The following LOXL3 variants were observed in gnomAD, a reference collection of about 807,000 sequenced individuals.
LOXL3 encodes lysyl oxidase homolog 3.
Under a neutral mutation model 91.8 loss-of-function variants are expected in LOXL3, and 60 were observed. That is an observed-to-expected ratio of 0.65 (90% confidence interval 0.53 to 0.81). The LOEUF is 0.81. LOXL3 is among the 30% of genes least tolerant of loss of function. The pLI is 0.00. For missense variants in LOXL3, 874 were observed against 1,000.4 expected, an observed-to-expected ratio of 0.87 and a Z score of 1.70; for synonymous variants, 355 against 387.6, an observed-to-expected ratio of 0.92 and a Z score of 0.99.
At chr2:74,537,648 G>T (rs1439059776) in intron 4 of LOXL3, among the ~76,000 whole-genome samples, 1 of 152,182 alleles carries the variant, frequency 6.6e-6, no homozygotes, top group Non-Finnish European at 1.5e-5. Context: ...CCTGTGCTGT[G>T]TAAGTCTTTA....
rs1320657722 is a variant in LOXL3 at position 74,533,607 on chromosome 2, T to C, written c.2261A>G (p.Ter754=). 1.9e-6 allele frequency: 3 copies of C among 1,613,980 alleles called. No homozygotes were observed. Among genetic ancestry groups the C allele is most frequent in the Admixed American group, 3.3e-5 (2 of 60,012 alleles). Residue 754 remains the stop codon, a stop_retained_variant, in exon 14 of 14, where the codon TAA becomes TGA. Coordinates refer to ENST00000264094, the MANE Select transcript of LOXL3 (RefSeq NM_032603.5). ...GTGGTTTGCAGAGGGCAGTGGCACT[T>C]AGATAATCTGGTTGCTGGTCTGGCC... ...YPGQTSNQII[*]
chr2:74,538,405 C>T (rs1676141318), intron 4 of LOXL3, among the ~76,000 whole-genome samples: 1 of 152,140 alleles, frequency 6.6e-6, no homozygotes. Context: ...CTGGGTGAGA[C>T]TAGAACTTGT....
At chr2:74,555,260 G>T (rs150262871), upstream of LOXL3, 3 of 1,613,878 alleles carry the variant, frequency 1.9e-6, no homozygotes, top group Non-Finnish European at 1.7e-6. The surrounding 1 kb of genome is among the most constrained non-coding windows in gnomAD (Gnocchi z 6.1). Flanking sequence ...GGCCGAGGGA[G>T]CTCGCGCCGC....
rs375000246 is a variant in LOXL3, at chr2:74,549,277, G to A, written c.692+92C>T. The A allele has an allele frequency of 7.4e-3, 10,124 of 1,367,120 alleles. 51 individuals carry two copies. Among genetic ancestry groups the A allele is most frequent in the South Asian group, 0.012 (711 of 61,128 alleles). The allele number at this position is 1,367,120 out of a possible 1,614,324, so 84.7% of individuals were successfully genotyped here. ...CGCGTCCCGACCCCCGGGTCCTCCC[G>A]TGCCCCGGACCTGCTCAGATGTCTC... On this transcript the variant is annotated intron_variant, in intron 4 of 13. Coordinates refer to ENST00000264094, the MANE Select transcript of LOXL3 (RefSeq NM_032603.5). This position sits in a 1 kb window ranked among gnomAD's most constrained non-coding sequence, Gnocchi z 5.3.
intron 4 of LOXL3, among the ~76,000 whole-genome samples, chr2:74,547,216 A>G (rs1029485211): frequency 6.6e-6 from 1 of 151,562 alleles, no homozygotes; most frequent in Non-Finnish European, 1.5e-5. Context: ...ACAGGGTCTC[A>G]TTATGTTGCC....
At chr2:74,554,858 G>C, upstream of LOXL3, 1 of 1,610,018 alleles carries the variant, frequency 6.2e-7, no homozygotes, top group Non-Finnish European at 8.5e-7. The surrounding 1 kb of genome is among the most constrained non-coding windows in gnomAD (Gnocchi z 4.9). Context: ...GGCTAGTAGT[G>C]GGTGAGAGAG....
Position 74,549,751 on chromosome 2 carries a change from C to G in LOXL3, c.478-168G>C, listed in dbSNP as rs1452365226. The G allele has an allele frequency of 4.9e-6, 7 of 1,435,570 alleles. No individual in the cohort carries two copies. In the East Asian group the frequency reaches 1.8e-4, roughly 36 times the overall value. The allele number at this position is 1,435,570 out of a possible 1,614,324, so 88.9% of individuals were successfully genotyped here. ...ATGGCCGCAGTCCGCGGTGTGGACT[C>G]TCTTGCAGCCAGCAGCGCGTGGGAT... On this transcript the variant is annotated intron_variant, in intron 3 of 13. Transcript: ENST00000264094. This position sits in a 1 kb window ranked among gnomAD's most constrained non-coding sequence, Gnocchi z 5.3.
In LOXL3 at chr2:74,533,290, C is replaced by T. The variant is rs1161862603; in HGVS notation, c.*316G>A. ...GAGATACTGGAGCTGACCATCCTGA[C>T]CTCCTATTAAAGAAAATGAGCTGCT... On this transcript the variant is annotated 3_prime_UTR_variant, in exon 14 of 14. Coordinates refer to ENST00000264094, the MANE Select transcript of LOXL3 (RefSeq NM_032603.5). The T allele has an allele frequency of 1.9e-6, 1 of 533,808 alleles. No homozygotes were observed. The allele number at this position is 533,808 out of a possible 1,614,324, so 33.1% of individuals were successfully genotyped here.
intron 4 of LOXL3, among the ~76,000 whole-genome samples, chr2:74,540,377 C>T (rs1030818858): frequency 1.3e-5 from 2 of 152,176 alleles, no homozygotes; most frequent in African/African-American, 4.8e-5. Flanking sequence ...CCAGGCTAGG[C>T]GGCAGAACTA....
chr2:74,534,906 T>A, intron 9 of LOXL3, 132 bp from the exon 10 acceptor site: 6 of 1,015,482 alleles, frequency 5.9e-6, no homozygotes, highest in Non-Finnish European at 8.5e-6. Flanking sequence ...TGAGATGGAG[T>A]CTCACTCTGT....
chr2:74,536,426 C>A lies in LOXL3; in HGVS notation c.958G>T (p.Val320Leu), dbSNP rs1419686797. 3.1e-6 allele frequency: 5 copies of A among 1,614,140 alleles called. No individual in the cohort carries two copies. The highest frequency in any genetic ancestry group is 4.2e-6 in the Non-Finnish European group (5 of 1,180,034). ...KGGAHPGEGR[V>L]EVLKASTWGT... Reference sequence around the variant, plus strand: ...CATGTGCTGGCCTTCAGGACTTCTACCCGGCCCTCTCCAGGGTGGGCGCCG... The same window carrying A: ...CATGTGCTGGCCTTCAGGACTTCTAACCGGCCCTCTCCAGGGTGGGCGCCG... Residue 320 changes from valine (V) to leucine (L), a missense_variant, in exon 6 of 14, where the codon GTA becomes TTA. Physicochemically the swap from Val to Leu is conservative, Grantham distance 32. Transcript: ENST00000264094. The surrounding 1 kb of genome is among the most constrained non-coding windows in gnomAD (Gnocchi z 4.5).
At position 74,532,521 on chromosome 2, in the gene LOXL3, C is replaced by T; in HGVS notation, c.*1085G>A. ...TTGTAGTACCTAGCCCATGTCCTGTCCATATATTTATCAATGTGTTGATGA... is the reference window on the plus strand; with the variant it reads ...TTGTAGTACCTAGCCCATGTCCTGTTCATATATTTATCAATGTGTTGATGA... On this transcript the variant is annotated 3_prime_UTR_variant, in exon 14 of 14. Coordinates refer to ENST00000264094, the MANE Select transcript of LOXL3 (RefSeq NM_032603.5). 1.1e-6 allele frequency: 1 copy of T among 902,708 alleles called. No individual in the cohort carries two copies. 55.9% of individuals were successfully genotyped at this position (902,708 alleles called of 1,614,324 possible).
Position 74,535,523 on chromosome 2 carries a change from C to CA in LOXL3, c.1416+64dup. The CA allele has an allele frequency of 6.2e-7, 1 of 1,611,726 alleles. No homozygotes were observed. Among genetic ancestry groups the CA allele is most frequent in the African/African-American group, 1.3e-5 (1 of 75,022 alleles). On this transcript the variant is annotated intron_variant, in intron 8 of 13. Transcript: ENST00000264094. This position sits in a 1 kb window ranked among gnomAD's most constrained non-coding sequence, Gnocchi z 4.2. The stretch of plus-strand genomic sequence containing the variant: ...ATCTTGGGCCAAGGGACTCATTCCT[C>CA]AGCCCTCTGCCCAAAACACAGGCTT...
chr2:74,555,231 G>C (rs543360875), upstream of LOXL3: 10 of 1,613,794 alleles, frequency 6.2e-6, no homozygotes, highest in South Asian at 2.2e-5. The surrounding 1 kb of genome is among the most constrained non-coding windows in gnomAD (Gnocchi z 6.1). Context: ...TTGACCATAA[G>C]GGGTCGAGCT....
At position 74,536,551 on chromosome 2, in the gene LOXL3, G is replaced by A. The variant is rs1558620137; in HGVS notation, c.913-80C>T. The A allele has an allele frequency of 6.7e-7, 1 of 1,499,676 alleles. No individual in the cohort carries two copies. Among genetic ancestry groups the A allele is most frequent in the Non-Finnish European group, 9.1e-7 (1 of 1,104,962 alleles). 92.9% of individuals were successfully genotyped at this position (1,499,676 alleles called of 1,614,324 possible). A position where few individuals can be genotyped will look rare whatever the true frequency, so the allele number is the denominator to read the frequency against. On this transcript the variant is annotated intron_variant, in intron 5 of 13. Coordinates refer to ENST00000264094, the MANE Select transcript of LOXL3 (RefSeq NM_032603.5). This position sits in a 1 kb window ranked among gnomAD's most constrained non-coding sequence, Gnocchi z 4.5. ...CTAAGCAGACCTGGGAGATGAGTGA[G>A]ACTTTGGTGGAAGGGAGTGGGTGGT...
rs185176751 is a variant in LOXL3 at position 74,543,770 on chromosome 2, G to A, written c.692+5599C>T. Among the ~76,000 whole-genome samples, 5 of 150,964 alleles carry A rather than the reference G, an allele frequency of 3.3e-5. No homozygotes were observed. The East Asian group carries it at 5.9e-4, about 18-fold the overall frequency. On this transcript the variant is annotated intron_variant, in intron 4 of 13. Transcript: ENST00000264094. ...CAGCAAATTAGCTGGGCATGGTGGCGCGTGCCCGTAATCCCAGCTACTCGA... is the reference window on the plus strand; with the variant it reads ...CAGCAAATTAGCTGGGCATGGTGGCACGTGCCCGTAATCCCAGCTACTCGA...
intron 4 of LOXL3, among the ~76,000 whole-genome samples, chr2:74,537,898 C>T (rs887705689): frequency 2.0e-5 from 3 of 152,140 alleles, no homozygotes; most frequent in African/African-American, 7.2e-5. Context: ...GCTGGTGGAA[C>T]GGGCCTGTGA....
upstream of LOXL3, chr2:74,554,434 G>A: frequency 2.4e-6 from 1 of 422,984 alleles, no homozygotes; most frequent in South Asian, 2.8e-5. This position sits in a 1 kb window ranked among gnomAD's most constrained non-coding sequence, Gnocchi z 4.9. Context: ...CTTTCACTCT[G>A]ACGTCACCTT....
At chr2:74,534,065 C>A (rs753154543) in intron 12 of LOXL3, 35 bp downstream of exon 12, 26 of 1,612,906 alleles carry the variant, frequency 1.6e-5, no homozygotes, top group Non-Finnish European at 2.1e-5. Context: ...ACGCTCCCCC[C>A]ACTCACCCAT....
Sources: allele counts gnomAD v4.1 joint callset (sites outside exome capture counted in the v4.1 genomes callset), GRCh38; gene constraint gnomAD v4.1.1; non-coding constraint Gnocchi (gnomAD v3.1); transcripts MANE v1.5; gene names NCBI Gene and HGNC (gene_info 2026-07-23, HGNC 2026-07-21).